The following POU6F2 variants were observed in gnomAD, a reference collection of about 807,000 sequenced individuals.
POU6F2 encodes the protein POU domain, class 6, transcription factor 2.
Under a neutral mutation model 71.3 loss-of-function variants are expected in POU6F2, and 31 were observed. The observed-to-expected ratio is 0.43, with a 90% CI of 0.33 to 0.59. The LOEUF is 0.59. Among genes scored for constraint, POU6F2 ranks in the 20% least tolerant of loss-of-function variants. The probability of loss-of-function intolerance (pLI) is 0.04; values close to 1 mark genes in which losing one functional copy is unlikely to be tolerated. For synonymous variants in POU6F2, 347 were observed against 355.7 expected (o/e 0.98, Z 0.27); for missense variants, 783 against 856.8 (o/e 0.91, Z 1.07).
intron 2 of POU6F2, among the ~76,000 whole-genome samples, chr7:39,141,696 A>G (rs1792506812): frequency 6.6e-6 from 1 of 152,240 alleles, no homozygotes; most frequent in Admixed American, 6.5e-5. Flanking sequence ...AACTATCAAT[A>G]ATAACCATAA....
intron 4 of POU6F2, among the ~76,000 whole-genome samples, chr7:39,242,118 G>T (rs1270163341): frequency 6.6e-6 from 1 of 152,160 alleles, no homozygotes; most frequent in Non-Finnish European, 1.5e-5. Context: ...CCAGTTGAAG[G>T]ATATTTAGAT....
intron 2 of POU6F2, among the ~76,000 whole-genome samples, chr7:39,089,948 G>A (rs1326717575): frequency 6.6e-6 from 1 of 151,924 alleles, no homozygotes; most frequent in Non-Finnish European, 1.5e-5. Flanking sequence ...GTTAGTCTCG[G>A]TGGCCGGCTT....
chr7:39,311,420 G>A (rs4723853), intron 4 of POU6F2, among the ~76,000 whole-genome samples: 126,253 of 151,960 alleles, frequency 0.83, 52,463 homozygotes, highest in Admixed American at 0.89. Context: ...ACATTATATA[G>A]TGTACCTACT....
chr7:39,197,084 G>A (rs1793802396), intron 2 of POU6F2, among the ~76,000 whole-genome samples: 1 of 152,174 alleles, frequency 6.6e-6, no homozygotes, highest in African/African-American at 2.4e-5. Context: ...TATGAGTAAA[G>A]TCCAATGGGA....
chr7:39,296,677 AGGGAAG>A (rs1784851131), intron 4 of POU6F2, among the ~76,000 whole-genome samples: 3 of 152,284 alleles, frequency 2.0e-5, no homozygotes, highest in South Asian at 4.2e-4. Context: ...ACTCATCCTC[AGGGAAG>A]CCACCCTCCT....
rs773687558 is a variant in POU6F2 at position 39,207,433 on chromosome 7, C to T, written c.411C>T (p.Gly137=). 1.4e-5 allele frequency: 22 copies of T among 1,613,804 alleles called. No individual in the cohort carries two copies. Among genetic ancestry groups the T allele is most frequent in the South Asian group, 7.7e-5 (7 of 91,084 alleles). ...TAQQLASAVA[G]VMPGGPPALN... Reference sequence around the variant, plus strand: ...AGCAGTTAGCTTCTGCTGTGGCCGGCGTGATGCCGGGAGGCCCCCCAGCCC... The same window carrying T: ...AGCAGTTAGCTTCTGCTGTGGCCGGTGTGATGCCGGGAGGCCCCCCAGCCC... The change falls in exon 4 of 10, where the codon GGC becomes GGT. Residue 137 remains glycine (G), a synonymous_variant. Coordinates refer to ENST00000518318, the MANE Select transcript of POU6F2 (RefSeq NM_001370959.1).
intron 4 of POU6F2, among the ~76,000 whole-genome samples, chr7:39,209,710 C>T: frequency 6.6e-6 from 1 of 152,180 alleles, no homozygotes; most frequent in Non-Finnish European, 1.5e-5. Flanking sequence ...ATCAATCCAC[C>T]AGCAGCCATC....
chr7:39,217,224 C>T (rs549417431), intron 4 of POU6F2, among the ~76,000 whole-genome samples: 6 of 152,066 alleles, frequency 3.9e-5, no homozygotes, highest in East Asian at 1.9e-4. Flanking sequence ...AGAATACAAC[C>T]GCAAAGCAAT....
intron 1 of POU6F2, among the ~76,000 whole-genome samples, chr7:39,001,063 G>C (rs1247514837): frequency 6.6e-6 from 1 of 152,194 alleles, no homozygotes; most frequent in Non-Finnish European, 1.5e-5. Context: ...GAAGATGAGA[G>C]AGATGTTTTT....
At chr7:39,121,375 G>A (rs1792037502) in intron 2 of POU6F2, among the ~76,000 whole-genome samples, 1 of 152,142 alleles carries the variant, frequency 6.6e-6, no homozygotes. Flanking sequence ...GTAGATGCTG[G>A]CTTTCATTAC....
chr7:39,111,927 G>C (rs1218780443), intron 2 of POU6F2, among the ~76,000 whole-genome samples: 1 of 152,078 alleles, frequency 6.6e-6, no homozygotes, highest in Non-Finnish European at 1.5e-5. Context: ...CCAATGGGTG[G>C]AAGCTTTAGG....
intron 1 of POU6F2, among the ~76,000 whole-genome samples, chr7:39,018,340 G>A (rs1336222167): frequency 6.6e-6 from 1 of 152,114 alleles, no homozygotes; most frequent in Admixed American, 6.6e-5. Flanking sequence ...GGTTTGCAGA[G>A]CATACAAGCC....
intron 9 of POU6F2, among the ~76,000 whole-genome samples, chr7:39,462,677 TTGC>T: frequency 6.6e-6 from 1 of 152,296 alleles, no homozygotes; most frequent in Non-Finnish European, 1.5e-5. Flanking sequence ...TTTGAGGAGC[TTGC>T]CATAAAGGAC....
intron 1 of POU6F2, among the ~76,000 whole-genome samples, chr7:38,994,877 T>C (rs1788695906): frequency 6.6e-6 from 1 of 152,108 alleles, no homozygotes; most frequent in Admixed American, 6.5e-5. Flanking sequence ...CCCACTAATG[T>C]GGTGAATTTA....
chr7:39,285,364 C>T (rs1272697556), intron 4 of POU6F2, among the ~76,000 whole-genome samples: 1 of 152,176 alleles, frequency 6.6e-6, no homozygotes, highest in East Asian at 1.9e-4. Context: ...GATGTATGGC[C>T]ACCATGCTCA....
intron 1 of POU6F2, among the ~76,000 whole-genome samples, chr7:38,990,477 G>A (rs1209449575): frequency 6.6e-6 from 1 of 152,048 alleles, no homozygotes; most frequent in African/African-American, 2.4e-5. Context: ...CAAATAGAGT[G>A]TACTCCTAAA....
chr7:39,127,663 C>T (rs1045975562), intron 2 of POU6F2, among the ~76,000 whole-genome samples: 13 of 151,964 alleles, frequency 8.6e-5, no homozygotes, highest in African/African-American at 3.1e-4. Flanking sequence ...CATAAGGGGA[C>T]ATTTGAGCTG....
chr7:39,017,813 C>CGTGTGTGTGTGTGT lies in POU6F2; in HGVS notation c.105+39771_105+39784dup, dbSNP rs70977447. 2.8e-3 allele frequency among the ~76,000 whole-genome samples: 414 copies of CGTGTGTGTGTGTGT among 148,018 alleles called. 1 individual carries two copies. Among genetic ancestry groups the CGTGTGTGTGTGTGT allele is most frequent in the Middle Eastern group, 6.9e-3 (2 of 288 alleles). On this transcript the variant is annotated intron_variant, in intron 1 of 9. Coordinates refer to ENST00000518318, the MANE Select transcript of POU6F2 (RefSeq NM_001370959.1). ...TAAGCTCATTCCCAGATTGTGCATGCGTGTGTGTGTGTGTGTGTGTGTGTG... is the reference window on the plus strand; with the variant it reads ...TAAGCTCATTCCCAGATTGTGCATGCGTGTGTGTGTGTGTGTGTGTGTGTGTGTGTGTGTGTGTG...
intron 4 of POU6F2, among the ~76,000 whole-genome samples, chr7:39,270,796 T>A (rs1784326420): frequency 6.6e-6 from 1 of 152,188 alleles, no homozygotes; most frequent in Non-Finnish European, 1.5e-5. Context: ...GAAACCCTCC[T>A]AGATTACAGA....
Sources: gnomAD v4.1 joint callset for allele counts (sites outside exome capture counted in the v4.1 genomes callset) on GRCh38, gnomAD v4.1.1 for gene constraint, MANE v1.5 for transcripts, NCBI Gene and HGNC (gene_info 2026-07-23, HGNC 2026-07-21) for gene names.